Variants in HDHD2 observed in about 807,000 individuals in gnomAD.
The protein encoded by HDHD2 is haloacid dehalogenase-like hydrolase domain-containing protein 2.
Under a neutral mutation model 24.8 loss-of-function variants are expected in HDHD2, and 26 were observed. The observed-to-expected ratio is 1.05, with a 90% CI of 0.77 to 1.45. HDHD2 has a LOEUF of 1.45. HDHD2 is among the 40% of genes most tolerant of loss of function. The pLI is 0.00. For missense variants in HDHD2, 299 were observed against 313.4 expected (o/e 0.95, Z 0.35); for synonymous variants, 128 against 114.9 (o/e 1.11, Z -0.73).
rs146294185 is a variant in HDHD2 at position 47,109,794 on chromosome 18, A to T, written c.677-1009T>A. On this transcript the variant is annotated intron_variant, in intron 6 of 6. Coordinates refer to ENST00000300605, the MANE Select transcript of HDHD2 (RefSeq NM_032124.5). ...TCTTTGCCTCCACAACATTTACAACAATTTGTAATTATGCATTTATTTGTT... is the reference window on the plus strand; with the variant it reads ...TCTTTGCCTCCACAACATTTACAACTATTTGTAATTATGCATTTATTTGTT... The T allele has an allele frequency of 1.7e-4, 33 of 193,308 alleles. No homozygotes were observed. In the South Asian group the frequency reaches 2.3e-3, roughly 14 times the overall value. 12.0% of individuals were successfully genotyped at this position (193,308 alleles called of 1,614,324 possible).
intron 3 of HDHD2, among the ~76,000 whole-genome samples, chr18:47,133,853 T>C (rs1234437149): frequency 2.0e-5 from 3 of 152,168 alleles, no homozygotes; most frequent in Non-Finnish European, 4.4e-5. Flanking sequence ...TTTGTTTGAG[T>C]TCTTTGTAGA....
intron 6 of HDHD2, chr18:47,110,901 A>G (rs76594057): frequency 0.075 from 73,534 of 984,470 alleles, 2,855 homozygotes; most frequent in East Asian, 0.13. Flanking sequence ...TATATTGAGC[A>G]TCTACCTTGT....
At chr18:47,134,374 A>G in intron 3 of HDHD2, 122 bp downstream of exon 3, 3 of 735,428 alleles carry the variant, frequency 4.1e-6, no homozygotes, top group South Asian at 1.9e-5. Context: ...AAATATCAGT[A>G]TTATCAAATA....
chr18:47,108,882 C>T, intron 6 of HDHD2, 97 bp from the exon 7 acceptor site: 1 of 687,860 alleles, frequency 1.5e-6, no homozygotes, highest in Non-Finnish European at 2.6e-6. Context: ...ACCACCCTTA[C>T]AGTTAAGACA....
intron 1 of HDHD2, among the ~76,000 whole-genome samples, chr18:47,145,374 C>T (rs1315278652): frequency 6.6e-6 from 1 of 152,174 alleles, no homozygotes; most frequent in Non-Finnish European, 1.5e-5. Context: ...TCCAGACTTA[C>T]TTAATGAGGT....
chr18:47,149,499 C>A (rs578235507), intron 1 of HDHD2, among the ~76,000 whole-genome samples: 15 of 152,174 alleles, frequency 9.9e-5, no homozygotes, highest in Non-Finnish European at 2.2e-4. Context: ...GAACAATGAA[C>A]ACTGGTGGAC....
At chr18:47,132,263 AG>A (rs2063720598) in intron 3 of HDHD2, among the ~76,000 whole-genome samples, 1 of 152,216 alleles carries the variant, frequency 6.6e-6, no homozygotes, top group Admixed American at 6.5e-5. Flanking sequence ...ATCAAGAGAT[AG>A]AACTTTTCAT....
At chr18:47,142,193 G>T (rs1041305288) in intron 1 of HDHD2, among the ~76,000 whole-genome samples, 1 of 150,910 alleles carries the variant, frequency 6.6e-6, no homozygotes, top group Non-Finnish European at 1.5e-5. Flanking sequence ...GATTGGGAAA[G>T]AAATCAAAAG....
chr18:47,111,947 T>C (rs1416786614), intron 6 of HDHD2, among the ~76,000 whole-genome samples: 1 of 152,226 alleles, frequency 6.6e-6, no homozygotes, highest in Admixed American at 6.5e-5. Flanking sequence ...TACTATGATA[T>C]GAAACCAGGC....
intron 4 of HDHD2, among the ~76,000 whole-genome samples, chr18:47,119,356 A>G (rs2063584639): frequency 6.6e-6 from 1 of 152,228 alleles, no homozygotes; most frequent in South Asian, 2.1e-4. Flanking sequence ...CTGCTGCTTT[A>G]TCAGTTAAGT....
chr18:47,135,863 A>G (rs771671327), intron 2 of HDHD2, among the ~76,000 whole-genome samples: 2 of 152,204 alleles, frequency 1.3e-5, no homozygotes, highest in African/African-American at 2.4e-5. Context: ...TTAGCCTTTA[A>G]AAGTGTTTAG....
At chr18:47,143,898 C>T (rs908320323) in intron 1 of HDHD2, among the ~76,000 whole-genome samples, 6 of 152,120 alleles carry the variant, frequency 3.9e-5, no homozygotes, top group Non-Finnish European at 7.4e-5. Context: ...AGAAGCTTAT[C>T]GTTTCCTACC....
At chr18:47,118,182 T>C (rs183640515) in intron 4 of HDHD2, among the ~76,000 whole-genome samples, 16 of 152,094 alleles carry the variant, frequency 1.1e-4, no homozygotes, top group African/African-American at 3.6e-4. Context: ...AGGAGTGATT[T>C]AAATTTAGAG....
intron 3 of HDHD2, among the ~76,000 whole-genome samples, chr18:47,133,573 T>C (rs1248811276): frequency 6.6e-6 from 1 of 151,158 alleles, no homozygotes; most frequent in Non-Finnish European, 1.5e-5. Flanking sequence ...TCCACAATGG[T>C]GAACTAGTTT....
At chr18:47,134,852 A>G (rs1398174444) in intron 2 of HDHD2, 148 bp from the exon 3 acceptor site, 5 of 643,942 alleles carry the variant, frequency 7.8e-6, no homozygotes, top group Admixed American at 2.9e-5. Flanking sequence ...TGGCAGGTTT[A>G]CAGTTTACAT....
At position 47,113,125 on chromosome 18, in the gene HDHD2, G is replaced by T. The variant is rs986390289; in HGVS notation, c.613-85C>A. 3.4e-5 allele frequency: 36 copies of T among 1,067,128 alleles called. No individual in the cohort carries two copies. In the African/African-American group the frequency reaches 5.0e-4, roughly 15 times the overall value. The allele number at this position is 1,067,128 out of a possible 1,614,324, so 66.1% of individuals were successfully genotyped here. The stretch of plus-strand genomic sequence containing the variant: ...TTACCAACTGATTTATTAGGCTAGG[G>T]TGTCCAACTGTAATGCCATGTTTTT... On this transcript the variant is annotated intron_variant, in intron 5 of 6. Coordinates refer to ENST00000300605, the MANE Select transcript of HDHD2 (RefSeq NM_032124.5).
At chr18:47,136,252 T>G in intron 2 of HDHD2, 87 bp downstream of exon 2, 1 of 1,550,804 alleles carries the variant, frequency 6.4e-7, no homozygotes, top group Non-Finnish European at 8.8e-7. Flanking sequence ...AAATGCCATC[T>G]TAAGGCCATC....
chr18:47,128,310 CA>C (rs1440145411), intron 4 of HDHD2, among the ~76,000 whole-genome samples: 1 of 152,124 alleles, frequency 6.6e-6, no homozygotes, highest in Non-Finnish European at 1.5e-5. Context: ...ATGTCCTTCC[CA>C]AATTGCCAGC....
At chr18:47,136,650 T>TAAA (rs555799145) in intron 1 of HDHD2, among the ~76,000 whole-genome samples, 17 of 147,988 alleles carry the variant, frequency 1.1e-4, no homozygotes, top group South Asian at 2.1e-4. Context: ...AGGTTTTTTT[T>TAAA]TAAAAAAAAA....
Sources: gnomAD v4.1 joint callset for allele counts (sites outside exome capture counted in the v4.1 genomes callset) on GRCh38, gnomAD v4.1.1 for gene constraint, MANE v1.5 for transcripts, NCBI Gene and HGNC (gene_info 2026-07-23, HGNC 2026-07-21) for gene names.